The following AGBL1 variants were observed in gnomAD, a reference collection of about 807,000 sequenced individuals.
AGBL1 encodes the protein cytosolic carboxypeptidase 4.
In AGBL1, 130 loss-of-function variants were observed where a neutral mutation model predicts 118.9. The observed-to-expected ratio is 1.09, with a 90% CI of 0.95 to 1.26. The LOEUF is 1.26. AGBL1 is among the 50% of genes most tolerant of loss of function. The pLI is 0.00. For synonymous variants in AGBL1, 555 were observed against 478.9 expected (o/e 1.16, Z -2.08); for missense variants, 1,584 against 1,298.1 (o/e 1.22, Z -3.38).
intron 18 of AGBL1, among the ~76,000 whole-genome samples, chr15:86,460,107 C>T (rs1323119842): frequency 1.3e-5 from 2 of 151,850 alleles, no homozygotes; most frequent in South Asian, 2.1e-4. Context: ...ACTTGATACT[C>T]GGTTCAATTT....
At position 86,778,917 on chromosome 15, in the gene AGBL1, A is replaced by G. The variant is rs2078294990; in HGVS notation, c.3158+104481A>G. Among the ~76,000 whole-genome samples the G allele has an allele frequency of 2.0e-5, 3 of 149,784 alleles. No homozygotes were observed. The Admixed American group carries it at 2.0e-4, about 10-fold the overall frequency. Reference sequence around the variant, plus strand: ...TATGTTCAGAGATTGCAGTAAAGACAGGCGTAAGAAATTATAAAAGTATTA... The same window carrying G: ...TATGTTCAGAGATTGCAGTAAAGACGGGCGTAAGAAATTATAAAAGTATTA... On this transcript the variant is annotated intron_variant, in intron 22 of 22. Coordinates refer to ENST00000614907, the MANE Select transcript of AGBL1 (RefSeq NM_001386094.1).
chr15:86,235,989 C>T (rs1419714391), intron 6 of AGBL1, among the ~76,000 whole-genome samples: 1 of 152,194 alleles, frequency 6.6e-6, no homozygotes, highest in African/African-American at 2.4e-5. Flanking sequence ...ACACTGAGGC[C>T]GAAAGAGATT....
intron 22 of AGBL1, among the ~76,000 whole-genome samples, chr15:86,742,141 C>T (rs1373964934): frequency 6.6e-6 from 1 of 152,036 alleles, no homozygotes; most frequent in Non-Finnish European, 1.5e-5. Flanking sequence ...GATGACATGG[C>T]TATTCTTTTT....
chr15:86,234,929 G>A (rs946346532), intron 6 of AGBL1, among the ~76,000 whole-genome samples: 5 of 152,146 alleles, frequency 3.3e-5, no homozygotes, highest in Admixed American at 6.5e-5. Context: ...CTTCCCCGAG[G>A]GTTGAATGAT....
intron 22 of AGBL1, among the ~76,000 whole-genome samples, chr15:86,736,222 A>G (rs2077595940): frequency 6.6e-6 from 1 of 152,108 alleles, no homozygotes; most frequent in African/African-American, 2.4e-5. Flanking sequence ...TCTACTAAAA[A>G]TACAAAAATT....
At chr15:86,200,437 A>G (rs1338393402) in intron 5 of AGBL1, among the ~76,000 whole-genome samples, 4 of 151,934 alleles carry the variant, frequency 2.6e-5, no homozygotes, top group African/African-American at 7.3e-5. Flanking sequence ...ACAAATTATC[A>G]CAGATTTCAG....
At chr15:86,114,480 C>T (rs1244823156) in intron 1 of AGBL1, among the ~76,000 whole-genome samples, 1 of 152,196 alleles carries the variant, frequency 6.6e-6, no homozygotes, top group Non-Finnish European at 1.5e-5. Flanking sequence ...TTGTGAAAAA[C>T]AATAGGAACT....
intron 22 of AGBL1, among the ~76,000 whole-genome samples, chr15:86,843,107 G>T (rs1454108975): frequency 6.6e-6 from 1 of 152,150 alleles, no homozygotes; most frequent in East Asian, 1.9e-4. Flanking sequence ...CTACAGATGG[G>T]TAAATAATGA....
chr15:86,158,567 C>G (rs2077224115), intron 4 of AGBL1, among the ~76,000 whole-genome samples: 1 of 152,104 alleles, frequency 6.6e-6, no homozygotes. Context: ...AGAGTAATAT[C>G]CAAAAGTTGT....
chr15:86,701,667 TC>T (rs1482838994), intron 22 of AGBL1, among the ~76,000 whole-genome samples: 1 of 138,926 alleles, frequency 7.2e-6, no homozygotes. Context: ...CTCCATTTTT[TC>T]CCTCCCCTTC....
chr15:86,871,816 T>C (rs1002624263), intron 22 of AGBL1, among the ~76,000 whole-genome samples: 1 of 152,184 alleles, frequency 6.6e-6, no homozygotes, highest in East Asian at 1.9e-4. Flanking sequence ...AAAAGAGTTT[T>C]TGGGACAACA....
chr15:87,012,328 C>T (rs2141783500), intron 24 of AGBL1, among the ~76,000 whole-genome samples: 1 of 147,940 alleles, frequency 6.8e-6, no homozygotes, highest in Non-Finnish European at 1.5e-5. Flanking sequence ...TTCTCATTTC[C>T]ATATTTTTGG....
In AGBL1 at chr15:87,019,615, C is replaced by G. The variant is rs118073600; in HGVS notation, c.3324-9210C>G. ...ATGTACCAGAATCTGTGGGATGCAG[C>G]TAAAGCAATTCTAAGAGGGAAATTT... On this transcript the variant is annotated intron_variant, in intron 24 of 24. Transcript: ENST00000441037. Among the ~76,000 whole-genome samples the G allele has an allele frequency of 8.4e-3, 1,278 of 151,954 alleles. 63 individuals carry two copies. The East Asian group carries it at 0.12, about 14-fold the overall frequency.
At chr15:86,399,404 G>A (rs1393020798) in intron 18 of AGBL1, among the ~76,000 whole-genome samples, 1 of 152,114 alleles carries the variant, frequency 6.6e-6, no homozygotes, top group African/African-American at 2.4e-5. Flanking sequence ...TCTCATCCAA[G>A]TTGGCTCTTT....
chr15:86,080,816 A>G (rs1344742497), intron 1 of AGBL1, among the ~76,000 whole-genome samples: 4 of 151,640 alleles, frequency 2.6e-5, no homozygotes, highest in Non-Finnish European at 4.4e-5. Context: ...ACTACTCTCT[A>G]TGCTTGTAGT....
At chr15:86,196,876 C>G (rs542362437) in intron 5 of AGBL1, among the ~76,000 whole-genome samples, 1 of 96,738 alleles carries the variant, frequency 1.0e-5, no homozygotes, top group Non-Finnish European at 2.0e-5. Flanking sequence ...TGTGCGCGCG[C>G]GCGCACACAC....
intron 22 of AGBL1, among the ~76,000 whole-genome samples, chr15:86,812,903 A>G (rs2078809949): frequency 6.6e-6 from 1 of 152,182 alleles, no homozygotes; most frequent in Non-Finnish European, 1.5e-5. Flanking sequence ...TTATATATAT[A>G]TGCCAAAGTC....
chr15:86,099,589 G>A (rs1384590961), intron 1 of AGBL1, among the ~76,000 whole-genome samples: 2 of 150,926 alleles, frequency 1.3e-5, no homozygotes, highest in Admixed American at 6.6e-5. Context: ...GCCCAGGCTG[G>A]AGTGCAGTGG....
At chr15:86,561,482 C>T (rs1052974549) in intron 21 of AGBL1, among the ~76,000 whole-genome samples, 4 of 152,132 alleles carry the variant, frequency 2.6e-5, no homozygotes, top group African/African-American at 4.8e-5. Flanking sequence ...GGTGTTATTT[C>T]GGAGGCCTCT....
Sources: gnomAD v4.1 joint callset for allele counts (sites outside exome capture counted in the v4.1 genomes callset) on GRCh38, gnomAD v4.1.1 for gene constraint, MANE v1.5 for transcripts, NCBI Gene and HGNC (gene_info 2026-07-23, HGNC 2026-07-21) for gene names.